Variants in WNT7A observed in about 807,000 individuals in gnomAD.
The protein encoded by WNT7A is protein Wnt-7a.
In WNT7A, 16 loss-of-function variants were observed where a neutral mutation model predicts 28.2. The observed-to-expected ratio is 0.57, with a 90% confidence interval of 0.38 to 0.86. The LOEUF (loss-of-function observed/expected upper bound fraction) is 0.86. Ranked by LOEUF, WNT7A falls within the 40% of genes least tolerant of loss-of-function variation. WNT7A has a pLI of 0.00. For synonymous variants in WNT7A, 190 were observed against 195.9 expected (o/e 0.97, Z 0.25); for missense variants, 411 against 489.7 (o/e 0.84, Z 1.52).
chr3:13,825,543 T>C (rs1321206462), intron 3 of WNT7A, among the ~76,000 whole-genome samples: 1 of 152,250 alleles, frequency 6.6e-6, no homozygotes. Flanking sequence ...TGGCTGACTT[T>C]AAGCTACCAG....
intron 2 of WNT7A, among the ~76,000 whole-genome samples, chr3:13,869,463 A>C (rs1334424389): frequency 6.8e-6 from 1 of 147,224 alleles, no homozygotes; most frequent in Non-Finnish European, 1.5e-5. Flanking sequence ...GAAAGACAGA[A>C]AGAAAGAAAG....
chr3:13,833,704 G>T (rs879654936), intron 3 of WNT7A, among the ~76,000 whole-genome samples: 1 of 152,202 alleles, frequency 6.6e-6, no homozygotes, highest in Non-Finnish European at 1.5e-5. Flanking sequence ...CCTGTGACCT[G>T]GGGTGAGGCA....
intron 3 of WNT7A, 32 bp from the exon 4 acceptor site, chr3:13,819,455 A>T: frequency 6.2e-7 from 1 of 1,605,270 alleles, no homozygotes. Context: ...AGCACAGCAC[A>T]GGTCACTGCA....
rs1364662428 is a variant in WNT7A, at chr3:13,844,043, G to A, written c.570+10489C>T. Among the ~76,000 whole-genome samples the A allele has an allele frequency of 2.6e-5, 4 of 152,208 alleles. No individual in the cohort carries two copies. The Middle Eastern group carries it at 0.01, about 388-fold the overall frequency. On this transcript the variant is annotated intron_variant, in intron 3 of 3. Coordinates refer to ENST00000285018, the MANE Select transcript of WNT7A (RefSeq NM_004625.4). Reference sequence around the variant, plus strand: ...ATTATAGGCGGGAGCCACCGTGCCTGGCCTTGTTGGAATCTTTATTATTTC... The same window carrying A: ...ATTATAGGCGGGAGCCACCGTGCCTAGCCTTGTTGGAATCTTTATTATTTC...
intron 3 of WNT7A, among the ~76,000 whole-genome samples, chr3:13,836,043 T>C (rs1553572848): frequency 6.6e-6 from 1 of 152,150 alleles, no homozygotes; most frequent in Non-Finnish European, 1.5e-5. Context: ...GAGTGACTAC[T>C]AGTAGGTACA....
At chr3:13,829,257 A>AT (rs1283101994) in intron 3 of WNT7A, among the ~76,000 whole-genome samples, 1 of 152,170 alleles carries the variant, frequency 6.6e-6, no homozygotes, top group Non-Finnish European at 1.5e-5. Flanking sequence ...CCATATCCAG[A>AT]TTTTTATTTT....
chr3:13,848,239 G>T (rs929296470), intron 3 of WNT7A, among the ~76,000 whole-genome samples: 16 of 152,068 alleles, frequency 1.1e-4, no homozygotes, highest in African/African-American at 3.9e-4. Flanking sequence ...ACTTATCAAG[G>T]TTAAACACTT....
intron 2 of WNT7A, 46 bp from the exon 3 acceptor site, chr3:13,854,849 GC>G: frequency 6.2e-7 from 1 of 1,607,730 alleles, no homozygotes. Context: ...CAGGTCCCAA[GC>G]ATCTGAGAGG....
chr3:13,831,779 A>T (rs956353658), intron 3 of WNT7A, among the ~76,000 whole-genome samples: 1 of 152,038 alleles, frequency 6.6e-6, no homozygotes, highest in African/African-American at 2.4e-5. Context: ...CAGGTTTCTC[A>T]TGGGACCAGC....
At chr3:13,850,858 A>G (rs1694623661) in intron 3 of WNT7A, among the ~76,000 whole-genome samples, 1 of 151,774 alleles carries the variant, frequency 6.6e-6, no homozygotes, top group East Asian at 1.9e-4. Flanking sequence ...GTCTACACGC[A>G]CTCACAAATG....
chr3:13,869,422 C>T (rs1193969197), intron 2 of WNT7A, among the ~76,000 whole-genome samples: 1 of 80,308 alleles, frequency 1.2e-5, no homozygotes, highest in Admixed American at 1.6e-4. Flanking sequence ...AAGAAAGAAA[C>T]AAAGAAAAGA....
intron 3 of WNT7A, among the ~76,000 whole-genome samples, chr3:13,847,024 CTCTTATCTCA>C (rs1484632610): frequency 4.6e-5 from 7 of 152,310 alleles, no homozygotes; most frequent in Non-Finnish European, 7.4e-5. Context: ...CATGCGGCCT[CTCTTATCTCA>C]TCCCCTTCCT....
intron 2 of WNT7A, among the ~76,000 whole-genome samples, chr3:13,856,893 A>AAGAAGAAGAAGAAGAAGAAGAAG: frequency 1.4e-5 from 1 of 73,360 alleles, no homozygotes. Flanking sequence ...AGAAGAAGAA[A>AAGAAGAAGAAGAAGAAGAAGAAG]AAGAAGAAGA....
At chr3:13,857,720 CA>C (rs1457702290) in intron 2 of WNT7A, among the ~76,000 whole-genome samples, 1 of 151,998 alleles carries the variant, frequency 6.6e-6, no homozygotes, top group East Asian at 1.9e-4. Context: ...ACAAGAAAAC[CA>C]AACCCTCAGG....
intron 3 of WNT7A, among the ~76,000 whole-genome samples, chr3:13,841,309 T>C (rs1475325738): frequency 1.3e-5 from 2 of 152,214 alleles, no homozygotes; most frequent in Non-Finnish European, 2.9e-5. Context: ...ACGTCGCACC[T>C]AAGGCAAAGA....
At chr3:13,846,994 G>A (rs1694547032) in intron 3 of WNT7A, among the ~76,000 whole-genome samples, 1 of 152,184 alleles carries the variant, frequency 6.6e-6, no homozygotes, top group African/African-American at 2.4e-5. Context: ...TCTGTGGGAA[G>A]GGCCGCCCCT....
intron 1 of WNT7A, among the ~76,000 whole-genome samples, chr3:13,875,580 C>T (rs550951121): frequency 6.6e-6 from 1 of 151,944 alleles, no homozygotes; most frequent in Non-Finnish European, 1.5e-5. Context: ...TAAAGGCAAG[C>T]AAGGAAATGA....
intron 3 of WNT7A, among the ~76,000 whole-genome samples, chr3:13,831,323 A>T (rs1694277427): frequency 6.6e-6 from 1 of 152,196 alleles, no homozygotes; most frequent in African/African-American, 2.4e-5. Context: ...AGGAAGGTTG[A>T]CCATCATCAG....
At chr3:13,868,828 GAGAGAA>G (rs1559307300) in intron 2 of WNT7A, among the ~76,000 whole-genome samples, 1 of 47,454 alleles carries the variant, frequency 2.1e-5, no homozygotes, top group Admixed American at 2.4e-4. Flanking sequence ...GAGAGAGAAA[GAGAGAA>G]AGAGAGAGAG....
Sources: allele counts gnomAD v4.1 joint callset (sites outside exome capture counted in the v4.1 genomes callset), GRCh38; gene constraint gnomAD v4.1.1; transcripts MANE v1.5; gene names NCBI Gene and HGNC (gene_info 2026-07-23, HGNC 2026-07-21).